The following CACNA1C variants were observed in gnomAD, a reference collection of about 807,000 sequenced individuals.
CACNA1C encodes the protein calcium voltage-gated channel subunit alpha1 C, also known as voltage-dependent L-type calcium channel subunit alpha-1C.
CACNA1C carries 30 observed loss-of-function variants against 229.0 expected under a neutral mutation model. The ratio of observed to expected loss-of-function variants is 0.13; its 90% CI spans 0.10 to 0.18. CACNA1C has a LOEUF of 0.18. Ranked by LOEUF, CACNA1C falls within the 10% of genes least tolerant of loss-of-function variation. The pLI is 1.00. For synonymous variants in CACNA1C, 1,114 were observed against 1,132.5 expected (o/e 0.98, Z 0.33); for missense variants, 1,658 against 2,845.0 (o/e 0.58, Z 9.49).
Position 2,572,037 on chromosome 12 carries a change from CTTT to C in CACNA1C, c.1895+4262_1895+4264del, listed in dbSNP as rs5796014. On this transcript the variant is annotated intron_variant, in intron 13 of 46. Coordinates refer to ENST00000399655, the MANE Select transcript of CACNA1C (RefSeq NM_000719.7). ...CTCATATGTAGAAGAAATTTCTTCT[CTTT>C]TTTTTTTTTTTTTTTTTTACAATGT... Among the ~76,000 whole-genome samples the C allele has an allele frequency of 4.9e-3, 635 of 128,454 alleles. 5 individuals carry two copies. The highest frequency in any genetic ancestry group is 9.2e-3 in the African/African-American group (316 of 34,194). The allele number at this position is 128,454 out of a possible 152,430, so 84.3% of individuals were successfully genotyped here.
intron 11 of CACNA1C, among the ~76,000 whole-genome samples, chr12:2,565,947 A>G (rs947494010): frequency 2.6e-5 from 4 of 152,190 alleles, no homozygotes; most frequent in Admixed American, 6.5e-5. Context: ...CTCCTCCACA[A>G]AAATCAGGAT....
At chr12:2,473,457 A>C (rs1000281269) in intron 5 of CACNA1C, among the ~76,000 whole-genome samples, 6 of 152,198 alleles carry the variant, frequency 3.9e-5, no homozygotes, top group African/African-American at 1.4e-4. Flanking sequence ...AGTATATTAG[A>C]TAATATAATG....
chr12:2,602,633 TGTGTGTG>T lies in CACNA1C; in HGVS notation c.2960+674_2960+680del, dbSNP rs1568706469. Among the ~76,000 whole-genome samples the T allele has an allele frequency of 8.3e-3, 176 of 21,188 alleles. No individual in the cohort carries two copies. The highest frequency in any genetic ancestry group is 0.048 in the South Asian group (53 of 1,096). The allele number at this position is 21,188 out of a possible 152,430, so 13.9% of individuals were successfully genotyped here. A position where few individuals can be genotyped will look rare whatever the true frequency, so the allele number is the denominator to read the frequency against. On this transcript the variant is annotated intron_variant, in intron 22 of 46. Coordinates refer to ENST00000399655, the MANE Select transcript of CACNA1C (RefSeq NM_000719.7). The surrounding 1 kb of genome is among the most constrained non-coding windows in gnomAD (Gnocchi z 4.4). ...TGTGACTGTGTATATTTGTGTCTTG[TGTGTGTG>T]TGTGTGTGTGTGTGTGTGTGTGTGT...
rs2094939852 is a variant in CACNA1C, at chr12:2,651,279, T to C, written c.3946-361T>C. 2 of 348,772 alleles carry C rather than the reference T, an allele frequency of 5.7e-6. No homozygotes were observed. Among genetic ancestry groups the C allele is most frequent in the Non-Finnish European group, 1.0e-5 (2 of 190,716 alleles). The allele number at this position is 348,772 out of a possible 1,614,324, so 21.6% of individuals were successfully genotyped here. The stretch of plus-strand genomic sequence containing the variant: ...TTCCTCAGCAGTGCAGAGGAGGGGT[T>C]CCCAGGGCAGCTGGCTCTGGGCCTA... On this transcript the variant is annotated intron_variant, in intron 31 of 46. Coordinates refer to ENST00000399655, the MANE Select transcript of CACNA1C (RefSeq NM_000719.7). The surrounding 1 kb of genome is among the most constrained non-coding windows in gnomAD (Gnocchi z 5.4).
chr12:2,086,016 C>A (rs2067511406), intron 1 of CACNA1C, among the ~76,000 whole-genome samples: 1 of 152,198 alleles, frequency 6.6e-6, no homozygotes, highest in Non-Finnish European at 1.5e-5. Flanking sequence ...GATCAAGCAT[C>A]CCCTCCTTTG....
chr12:2,093,051 G>T (rs958697935), intron 1 of CACNA1C, among the ~76,000 whole-genome samples: 2 of 152,232 alleles, frequency 1.3e-5, no homozygotes, highest in African/African-American at 4.8e-5. Context: ...GCAGAGGCCA[G>T]TCAACCGCTT....
At position 2,437,007 on chromosome 12, in the gene CACNA1C, C is replaced by T. The variant is rs144006153; in HGVS notation, c.478-11969C>T. Reference sequence around the variant, plus strand: ...ATAGACATGGATGTTTCCCATTCAACGAGAGATCATAGTGCTTTTGTGCTG... The same window carrying T: ...ATAGACATGGATGTTTCCCATTCAATGAGAGATCATAGTGCTTTTGTGCTG... On this transcript the variant is annotated intron_variant, in intron 3 of 46. Transcript: ENST00000399655. Among the ~76,000 whole-genome samples, 153 of 152,342 alleles carry T rather than the reference C, an allele frequency of 1.0e-3. 1 individual carries two copies. The highest frequency in any genetic ancestry group is 3.3e-3 in the African/African-American group (137 of 41,580).
rs138192988 is a variant in CACNA1C, at chr12:2,181,718, T to G, written c.477+61288T>G. 2.6e-3 allele frequency among the ~76,000 whole-genome samples: 403 copies of G among 152,228 alleles called. 1 individual carries two copies. Among genetic ancestry groups the G allele is most frequent in the African/African-American group, 8.8e-3 (364 of 41,522 alleles). On this transcript the variant is annotated intron_variant, in intron 3 of 46. Transcript: ENST00000399655. This position sits in a 1 kb window ranked among gnomAD's most constrained non-coding sequence, Gnocchi z 4.0. Reference sequence around the variant, plus strand: ...GGGACCCACATCCACGATATCGTTTTTTTACAGCTCATTACTGAATCCTCA... The same window carrying G: ...GGGACCCACATCCACGATATCGTTTGTTTACAGCTCATTACTGAATCCTCA...
At chr12:2,114,695 A>C (rs760358499) in intron 1 of CACNA1C, among the ~76,000 whole-genome samples, 4 of 152,122 alleles carry the variant, frequency 2.6e-5, no homozygotes, top group African/African-American at 7.2e-5. Context: ...AGTTGAGTGA[A>C]TCATACTCCA....
In CACNA1C at chr12:2,692,299, G is replaced by A. The variant is rs181193230; in HGVS notation, c.*1100G>A. On this transcript the variant is annotated 3_prime_UTR_variant, in exon 47 of 47. Coordinates refer to ENST00000399655, the MANE Select transcript of CACNA1C (RefSeq NM_000719.7). ...TTGCACATGTGGGTGATAGAGTTGG[G>A]TTCCTTTTTATGCTGGGTGTACAGG... 2.0e-5 allele frequency: 3 copies of A among 146,942 alleles called. No homozygotes were observed. Among genetic ancestry groups the A allele is most frequent in the Non-Finnish European group, 4.5e-5 (3 of 66,400 alleles). The allele number at this position is 146,942 out of a possible 1,614,324, so 9.1% of individuals were successfully genotyped here. A position where few individuals can be genotyped will look rare whatever the true frequency, so the allele number is the denominator to read the frequency against.
At chr12:2,033,588 C>T (rs1236182819) in intron 1 of CACNA1C, among the ~76,000 whole-genome samples, 1 of 152,082 alleles carries the variant, frequency 6.6e-6, no homozygotes, top group African/African-American at 2.4e-5. Context: ...ACAGTATAAT[C>T]CTAAGGACAA....
chr12:2,230,417 T>G (rs1302076001), intron 3 of CACNA1C, among the ~76,000 whole-genome samples: 1 of 152,152 alleles, frequency 6.6e-6, no homozygotes, highest in Non-Finnish European at 1.5e-5. Flanking sequence ...GGAAGCACAG[T>G]CAGCCCTCTG....
At chr12:2,229,178 C>A (rs1273186455) in intron 3 of CACNA1C, among the ~76,000 whole-genome samples, 1 of 152,156 alleles carries the variant, frequency 6.6e-6, no homozygotes, top group Non-Finnish European at 1.5e-5. Context: ...GGGCAAGTTC[C>A]TTAAACTCCA....
intron 30 of CACNA1C, chr12:2,641,816 C>G (rs1056805568): frequency 1.9e-5 from 13 of 701,498 alleles, no homozygotes; most frequent in Admixed American, 6.0e-5. Flanking sequence ...GAGGTCCCTC[C>G]CCATCCCCCC....
At chr12:2,151,266 T>C (rs2095234451) in intron 3 of CACNA1C, among the ~76,000 whole-genome samples, 1 of 152,028 alleles carries the variant, frequency 6.6e-6, no homozygotes, top group South Asian at 2.1e-4. Context: ...AGTAAGATTT[T>C]TTTTTTTATT....
intron 43 of CACNA1C, among the ~76,000 whole-genome samples, chr12:2,683,756 A>G (rs532477902): frequency 2.0e-5 from 3 of 152,306 alleles, no homozygotes; most frequent in South Asian, 4.1e-4. Flanking sequence ...CAGGCATGTC[A>G]AGAACCTGGG....
At chr12:2,292,886 C>T (rs2093650576) in intron 3 of CACNA1C, among the ~76,000 whole-genome samples, 2 of 151,830 alleles carry the variant, frequency 1.3e-5, no homozygotes, top group Non-Finnish European at 2.9e-5. Flanking sequence ...AGCCTGCATG[C>T]CTGGTTAAAG....
intron 3 of CACNA1C, among the ~76,000 whole-genome samples, chr12:2,183,421 G>T (rs992912589): frequency 6.6e-6 from 1 of 152,196 alleles, no homozygotes; most frequent in African/African-American, 2.4e-5. Flanking sequence ...CAAAGTTTGG[G>T]CTGCCTTCTC....
At chr12:2,522,542 A>G (rs1210961837) in intron 9 of CACNA1C, among the ~76,000 whole-genome samples, 1 of 152,128 alleles carries the variant, frequency 6.6e-6, no homozygotes, top group Admixed American at 6.5e-5. Flanking sequence ...GAAAGTTTGG[A>G]AGGAGTTAGA....
Sources: gnomAD v4.1 joint callset for allele counts (sites outside exome capture counted in the v4.1 genomes callset) on GRCh38, gnomAD v4.1.1 for gene constraint, Gnocchi (gnomAD v3.1) non-coding constraint, MANE v1.5 for transcripts, NCBI Gene and HGNC (gene_info 2026-07-23, HGNC 2026-07-21) for gene names.